The following ITPA variants were observed in gnomAD, a reference collection of about 807,000 sequenced individuals.
ITPA encodes inosine triphosphate pyrophosphatase.
ITPA carries 29 observed loss-of-function variants against 29.6 expected under a neutral mutation model. The ratio of observed to expected loss-of-function variants is 0.98; its 90% CI spans 0.73 to 1.34. The LOEUF (loss-of-function observed/expected upper bound fraction) is 1.34, where lower values mean the gene tolerates loss of function less well. ITPA is among the 40% of genes most tolerant of loss of function. The pLI is 0.00. For missense variants in ITPA, 241 were observed against 251.5 expected, an observed-to-expected ratio of 0.96 and a Z score of 0.28; for synonymous variants, 103 against 99.3, an observed-to-expected ratio of 1.04 and a Z score of -0.22.
upstream of ITPA, among the ~76,000 whole-genome samples, chr20:3,206,848 G>C (rs1201747753): frequency 6.7e-6 from 1 of 148,242 alleles, no homozygotes; most frequent in Non-Finnish European, 1.5e-5. Context: ...AAAAAAAGAA[G>C]AAGAAAGATA....
In ITPA at chr20:3,219,886, T is replaced by C. The variant is rs184682239; in HGVS notation, c.411+1254T>C. Among the ~76,000 whole-genome samples the C allele has an allele frequency of 8.0e-5, 12 of 150,874 alleles. No individual in the cohort carries two copies. In the South Asian group the frequency reaches 1.7e-3, roughly 21 times the overall value. ...ACATAGCCAGACCCTGTCTCAAAAA[T>C]AAATAAATAGCCGGACATGGTGGTG... On this transcript the variant is annotated intron_variant, in intron 6 of 7. Transcript: ENST00000380113.
intron 6 of ITPA, chr20:3,219,031 T>C (rs1409466033): frequency 4.7e-6 from 1 of 214,112 alleles, no homozygotes; most frequent in Non-Finnish European, 9.6e-6. Flanking sequence ...CTGTTTATTT[T>C]ATTTATTTAT....
chr20:3,216,939 G>C (rs1002506298), intron 5 of ITPA, among the ~76,000 whole-genome samples: 2 of 151,792 alleles, frequency 1.3e-5, no homozygotes, highest in Non-Finnish European at 2.9e-5. Flanking sequence ...AGAGTGCAGT[G>C]GTGTGATCTT....
At chr20:3,214,194 C>T (rs1279674431) in intron 4 of ITPA, 136 bp downstream of exon 4, 3 of 784,672 alleles carry the variant, frequency 3.8e-6, no homozygotes, top group Non-Finnish European at 4.4e-6. Flanking sequence ...CGAGGAAAGA[C>T]GGGATAGGAG....
chr20:3,224,205 A>C (rs1343852327), downstream of ITPA, among the ~76,000 whole-genome samples: 2 of 152,164 alleles, frequency 1.3e-5, no homozygotes, highest in Non-Finnish European at 1.5e-5. Flanking sequence ...TACAATGGCC[A>C]GTTCATTTTT....
chr20:3,215,589 C>CCAG (rs1327017006), intron 5 of ITPA, among the ~76,000 whole-genome samples: 5 of 152,328 alleles, frequency 3.3e-5, no homozygotes, highest in Non-Finnish European at 5.9e-5. Context: ...ACTGCCTTAG[C>CCAG]CAGGGCCTGC....
At chr20:3,220,059 A>C (rs1199194771) in intron 6 of ITPA, among the ~76,000 whole-genome samples, 6 of 149,082 alleles carry the variant, frequency 4.0e-5, no homozygotes, top group African/African-American at 1.5e-4. Context: ...AAAAAAAAAA[A>C]AAACAAACCT....
Position 3,213,347 on chromosome 20 carries a change from G to A in ITPA, c.153G>A (p.Glu51=). The stretch of plus-strand genomic sequence containing the variant: ...CGGAGTACCAGGGGGAGCCGGATGA[G>A]ATTTCCATACAGAAATGTCAGGAGG... The part of the protein sequence containing the change: ...DLPEYQGEPD[E]ISIQKCQEAV... The change falls in exon 3 of 8, where the codon GAG becomes GAA. Residue 51 remains glutamate, a synonymous_variant. Coordinates refer to ENST00000380113, the MANE Select transcript of ITPA (RefSeq NM_033453.4). 6.2e-7 allele frequency: 1 copy of A among 1,614,134 alleles called. No individual in the cohort carries two copies. The highest frequency in any genetic ancestry group is 8.5e-7 in the Non-Finnish European group (1 of 1,180,012).
chr20:3,209,681 C>T lies in ITPA; in HGVS notation c.66+64C>T, dbSNP rs531856563. On this transcript the variant is annotated intron_variant, in intron 1 of 7. Transcript: ENST00000380113. The surrounding 1 kb of genome is among the most constrained non-coding windows in gnomAD (Gnocchi z 4.6). ...GGGAATAGGGCGGAGAAGGGGCTTC[C>T]GGGAGGAGGGAAGCACGTGGGAGGA... 7.2e-7 allele frequency: 1 copy of T among 1,385,742 alleles called. No individual in the cohort carries two copies. The highest frequency in any genetic ancestry group is 2.3e-5 in the East Asian group (1 of 43,614). 85.8% of individuals were successfully genotyped at this position (1,385,742 alleles called of 1,614,324 possible).
chr20:3,213,210 G>A lies in ITPA; in HGVS notation c.108G>A (p.Val36=). Residue 36 remains valine (V), a synonymous_variant, in exon 2 of 8, where the codon GTG becomes GTA. Transcript: ENST00000380113. The part of the protein sequence containing the change: ...ILGDKFPCTL[V]AQKIDLPEYQ... The stretch of plus-strand genomic sequence containing the variant: ...GAGATAAGTTTCCATGCACTTTGGT[G>A]GCACAGAAAATTGACCGTATGTCTC... 6.2e-7 allele frequency: 1 copy of A among 1,614,164 alleles called. No individual in the cohort carries two copies. Among genetic ancestry groups the A allele is most frequent in the Non-Finnish European group, 8.5e-7 (1 of 1,180,018 alleles).
At chr20:3,205,587 G>A (rs1329199081), upstream of ITPA, among the ~76,000 whole-genome samples, 1 of 151,984 alleles carries the variant, frequency 6.6e-6, no homozygotes, top group Non-Finnish European at 1.5e-5. Context: ...GTGATTCCAG[G>A]TACTTGGGAA....
At chr20:3,213,431 C>T (rs2067219565) in intron 3 of ITPA, 48 bp downstream of exon 3, 1 of 1,610,592 alleles carries the variant, frequency 6.2e-7, no homozygotes, top group Non-Finnish European at 8.5e-7. Context: ...GTCCAGGTAG[C>T]TTCCAGGGCC....
intron 3 of ITPA, 111 bp downstream of exon 3, chr20:3,213,494 C>G (rs537947721): frequency 3.8e-6 from 5 of 1,298,824 alleles, no homozygotes; most frequent in Admixed American, 3.6e-5. Context: ...TTTCTAGGAC[C>G]GGCCCAGAGT....
At chr20:3,221,476 T>TAGGAA (rs1204215333) in intron 6 of ITPA, among the ~76,000 whole-genome samples, 1 of 152,206 alleles carries the variant, frequency 6.6e-6, no homozygotes, top group African/African-American at 2.4e-5. Flanking sequence ...GGTACTTAGC[T>TAGGAA]TCCTATTAGG....
intron 6 of ITPA, among the ~76,000 whole-genome samples, chr20:3,221,599 G>A (rs542365400): frequency 7.2e-5 from 11 of 152,342 alleles, no homozygotes; most frequent in South Asian, 6.2e-4. Flanking sequence ...GCGTGGCCCC[G>A]GAGGTGCTGG....
chr20:3,207,642 C>G (rs1013534574), upstream of ITPA, among the ~76,000 whole-genome samples: 2 of 151,398 alleles, frequency 1.3e-5, no homozygotes, highest in African/African-American at 4.9e-5. Flanking sequence ...TGAAGTGAGC[C>G]GAGATCGTGC....
At chr20:3,216,159 T>TG (rs1306960656) in intron 5 of ITPA, among the ~76,000 whole-genome samples, 2 of 143,182 alleles carry the variant, frequency 1.4e-5, no homozygotes, top group African/African-American at 5.3e-5. Context: ...CTGGCTAAGT[T>TG]TTTTTTTTTT....
At chr20:3,218,119 C>A (rs1266073092) in intron 5 of ITPA, among the ~76,000 whole-genome samples, 1 of 151,510 alleles carries the variant, frequency 6.6e-6, no homozygotes, top group African/African-American at 2.4e-5. Context: ...GGGGTTTCAC[C>A]GTGTTAGCCA....
upstream of ITPA, among the ~76,000 whole-genome samples, chr20:3,205,954 G>A (rs552851959): frequency 4.0e-5 from 6 of 151,770 alleles, no homozygotes; most frequent in East Asian, 1.2e-3. Flanking sequence ...TACTCGGGAG[G>A]CTGAGGCAGG....
Sources: allele counts gnomAD v4.1 joint callset (sites outside exome capture counted in the v4.1 genomes callset), GRCh38; gene constraint gnomAD v4.1.1; non-coding constraint Gnocchi (gnomAD v3.1); transcripts MANE v1.5; gene names NCBI Gene and HGNC (gene_info 2026-07-23, HGNC 2026-07-21).